GCH1: variants seen among roughly 807,000 people sequenced by gnomAD.
The protein encoded by GCH1 is GTP cyclohydrolase 1, also known as GTP cyclohydrolase I.
Under a neutral mutation model 25.9 loss-of-function variants are expected in GCH1, and 5 were observed. The observed-to-expected ratio is 0.19, with a 90% CI of 0.10 to 0.41. The LOEUF (loss-of-function observed/expected upper bound fraction) is 0.41, where lower values mean the gene tolerates loss of function less well. Ranked by LOEUF, GCH1 falls within the 10% of genes least tolerant of loss-of-function variation. GCH1 has a pLI of 1.00. For missense variants in GCH1, 261 were observed against 336.5 expected, an observed-to-expected ratio of 0.78 and a Z score of 1.75; for synonymous variants, 159 against 129.6, an observed-to-expected ratio of 1.23 and a Z score of -1.54.
At chr14:54,846,410 T>G (rs968792467) in intron 4 of GCH1, among the ~76,000 whole-genome samples, 3 of 152,200 alleles carry the variant, frequency 2.0e-5, no homozygotes, top group Non-Finnish European at 4.4e-5. Flanking sequence ...AGAGCTGGTA[T>G]AGGTTACGCC....
intron 1 of GCH1, among the ~76,000 whole-genome samples, chr14:54,876,124 T>G (rs1026365478): frequency 1.5e-4 from 23 of 152,120 alleles, no homozygotes; most frequent in African/African-American, 5.6e-4. Flanking sequence ...TAGATTGGAT[T>G]AAGAAAATGT....
chr14:54,871,150 C>A (rs1296344941), intron 1 of GCH1, among the ~76,000 whole-genome samples: 1 of 152,198 alleles, frequency 6.6e-6, no homozygotes, highest in African/African-American at 2.4e-5. Flanking sequence ...TGAGACAAAA[C>A]TTCCAGAGGA....
chr14:54,860,824 C>T (rs1246214050), intron 2 of GCH1, among the ~76,000 whole-genome samples: 1 of 152,190 alleles, frequency 6.6e-6, no homozygotes, highest in East Asian at 1.9e-4. Flanking sequence ...CAGGCGTGAG[C>T]CACCACGCCC....
chr14:54,846,588 A>G (rs2039644472), intron 4 of GCH1, among the ~76,000 whole-genome samples: 1 of 152,242 alleles, frequency 6.6e-6, no homozygotes, highest in East Asian at 1.9e-4. Context: ...TAATCCAAAT[A>G]AATTGATTTG....
At chr14:54,901,077 G>C (rs1347240897) in intron 1 of GCH1, among the ~76,000 whole-genome samples, 3 of 152,030 alleles carry the variant, frequency 2.0e-5, no homozygotes, top group African/African-American at 7.2e-5. Flanking sequence ...TTCCTTTTGG[G>C]GCCCCGTCTC....
chr14:54,874,629 A>G (rs890712725), intron 1 of GCH1, among the ~76,000 whole-genome samples: 16 of 152,234 alleles, frequency 1.1e-4, no homozygotes, highest in Admixed American at 8.5e-4. Context: ...TAAGCTGATA[A>G]GCAACTTCAG....
chr14:54,889,303 T>A (rs1192066024), intron 1 of GCH1, among the ~76,000 whole-genome samples: 1 of 152,218 alleles, frequency 6.6e-6, no homozygotes, highest in Non-Finnish European at 1.5e-5. Context: ...CGCATAGCCC[T>A]TCCTCACTGC....
chr14:54,887,235 A>G (rs536854010), intron 1 of GCH1, among the ~76,000 whole-genome samples: 2 of 152,384 alleles, frequency 1.3e-5, no homozygotes, highest in South Asian at 4.1e-4. Context: ...CCAGTGAAAC[A>G]GGGCTTTTAA....
intron 2 of GCH1, among the ~76,000 whole-genome samples, chr14:54,860,814 C>T (rs1426676300): frequency 1.3e-5 from 2 of 152,160 alleles, no homozygotes; most frequent in Non-Finnish European, 2.9e-5. Flanking sequence ...GTTGGGATTA[C>T]AGGCGTGAGC....
At position 54,896,650 on chromosome 14, in the gene GCH1, C is replaced by T. The variant is rs140257403; in HGVS notation, c.343+5671G>A. ...TTTCTCGGCCGGGAGCGGTGGCTCACGCCTGTAATCCCAGCACTTTGGGAG... is the reference window on the plus strand; with the variant it reads ...TTTCTCGGCCGGGAGCGGTGGCTCATGCCTGTAATCCCAGCACTTTGGGAG... On this transcript the variant is annotated intron_variant, in intron 1 of 5. Coordinates refer to ENST00000491895, the MANE Select transcript of GCH1 (RefSeq NM_000161.3). 5.6e-3 allele frequency among the ~76,000 whole-genome samples: 846 copies of T among 151,986 alleles called. 13 individuals are homozygous for T. Among genetic ancestry groups the T allele is most frequent in the African/African-American group, 0.019 (801 of 41,448 alleles).
chr14:54,880,321 A>G (rs1411064866), intron 1 of GCH1, among the ~76,000 whole-genome samples: 1 of 146,838 alleles, frequency 6.8e-6, no homozygotes, highest in Non-Finnish European at 1.5e-5. Flanking sequence ...TTGTTCATAC[A>G]GTCTTGTATA....
intron 5 of GCH1, among the ~76,000 whole-genome samples, chr14:54,845,352 C>G (rs1477940335): frequency 1.3e-5 from 2 of 151,382 alleles, no homozygotes; most frequent in African/African-American, 4.9e-5. Context: ...GTGACACACA[C>G]CTGTGGTCCC....
intron 1 of GCH1, among the ~76,000 whole-genome samples, chr14:54,899,089 C>T (rs1243446254): frequency 6.6e-6 from 1 of 152,082 alleles, no homozygotes; most frequent in Non-Finnish European, 1.5e-5. Context: ...TCTTATAAAC[C>T]ACCTTCATAC....
intron 1 of GCH1, among the ~76,000 whole-genome samples, chr14:54,889,245 T>G (rs181579636): frequency 6.6e-6 from 1 of 152,310 alleles, no homozygotes; most frequent in Admixed American, 6.5e-5. Context: ...TAAAGTCAAC[T>G]AGTCAGCGAC....
chr14:54,883,697 A>G (rs2040307286), intron 1 of GCH1, among the ~76,000 whole-genome samples: 1 of 151,972 alleles, frequency 6.6e-6, no homozygotes. Context: ...AAATAAATAA[A>G]AAGAAAAGAG....
chr14:54,851,877 A>G (rs1022262872), intron 3 of GCH1, among the ~76,000 whole-genome samples: 1 of 152,256 alleles, frequency 6.6e-6, no homozygotes, highest in Admixed American at 6.5e-5. Flanking sequence ...TACTGGGTAT[A>G]TAACCAAAGG....
intron 1 of GCH1, among the ~76,000 whole-genome samples, chr14:54,892,799 C>A (rs1314005243): frequency 6.6e-6 from 1 of 152,028 alleles, no homozygotes; most frequent in Admixed American, 6.6e-5. Flanking sequence ...ATGTTTCCGG[C>A]CGGGTGCGGT....
At chr14:54,898,818 A>G (rs1257109018) in intron 1 of GCH1, among the ~76,000 whole-genome samples, 1 of 152,110 alleles carries the variant, frequency 6.6e-6, no homozygotes, top group East Asian at 1.9e-4. Context: ...TGGGGTTTCA[A>G]CATGTTGGCC....
chr14:54,861,186 C>G (rs1294244359), intron 2 of GCH1, among the ~76,000 whole-genome samples: 1 of 151,984 alleles, frequency 6.6e-6, no homozygotes, highest in East Asian at 1.9e-4. Context: ...GATTTTTTCC[C>G]CCATCCATTG....
Sources: allele counts gnomAD v4.1 joint callset (sites outside exome capture counted in the v4.1 genomes callset), GRCh38; gene constraint gnomAD v4.1.1; transcripts MANE v1.5; gene names NCBI Gene and HGNC (gene_info 2026-07-23, HGNC 2026-07-21).